ADAMTS17: variants seen among roughly 807,000 people sequenced by gnomAD.
The protein encoded by ADAMTS17 is A disintegrin and metalloproteinase with thrombospondin motifs 17.
ADAMTS17 carries 113 observed loss-of-function variants against 141.5 expected under a neutral mutation model. The observed-to-expected ratio is 0.80, with a 90% CI of 0.69 to 0.93. ADAMTS17 has a LOEUF of 0.93. Ranked by LOEUF, ADAMTS17 falls within the 40% of genes least tolerant of loss-of-function variation. ADAMTS17 has a pLI of 0.00. For synonymous variants in ADAMTS17, 768 were observed against 630.6 expected, an observed-to-expected ratio of 1.22 and a Z score of -3.27; for missense variants, 1,659 against 1,517.9, an observed-to-expected ratio of 1.09 and a Z score of -1.54.
chr15:100,332,523 G>GC (rs1025451413), intron 2 of ADAMTS17, among the ~76,000 whole-genome samples: 10 of 152,266 alleles, frequency 6.6e-5, no homozygotes, highest in South Asian at 6.2e-4. Context: ...GTGGGTCAAA[G>GC]CCCCCCCAGG....
intron 8 of ADAMTS17, among the ~76,000 whole-genome samples, chr15:100,168,232 A>ACCT (rs2040025545): frequency 6.6e-6 from 1 of 152,054 alleles, no homozygotes; most frequent in African/African-American, 2.4e-5. Context: ...GGGAGGAACC[A>ACCT]CCTCCTGGAT....
chr15:100,132,272 AG>A (rs1287681204), intron 11 of ADAMTS17, 120 bp from the exon 12 acceptor site: 1 of 1,359,866 alleles, frequency 7.4e-7, no homozygotes, highest in African/African-American at 1.4e-5. Flanking sequence ...ATAAAGGTAC[AG>A]TCTATTTCAG....
In ADAMTS17 at chr15:100,211,639, C is replaced by T. The variant is rs145617108; in HGVS notation, c.1076-12216G>A. Among the ~76,000 whole-genome samples, 602 of 152,266 alleles carry T rather than the reference C, an allele frequency of 4.0e-3. 5 individuals are homozygous for T. Among genetic ancestry groups the T allele is most frequent in the African/African-American group, 0.013 (554 of 41,542 alleles). Reference sequence around the variant, plus strand: ...ATTGGGCTATCTAGCTAAATCCATACTGAAAACTTCTATGTCATAAAAGGT... The same window carrying T: ...ATTGGGCTATCTAGCTAAATCCATATTGAAAACTTCTATGTCATAAAAGGT... On this transcript the variant is annotated intron_variant, in intron 7 of 21. Coordinates refer to ENST00000268070, the MANE Select transcript of ADAMTS17 (RefSeq NM_139057.4).
chr15:100,024,557 C>G (rs62041026), intron 18 of ADAMTS17, among the ~76,000 whole-genome samples: 26 of 152,292 alleles, frequency 1.7e-4, no homozygotes, highest in Non-Finnish European at 3.5e-4. Flanking sequence ...GGGAGGAGTG[C>G]TTGGATCTCT....
chr15:100,331,156 T>C, intron 2 of ADAMTS17, 102 bp from the exon 3 acceptor site: 1 of 1,463,002 alleles, frequency 6.8e-7, no homozygotes, highest in Non-Finnish European at 9.4e-7. Context: ...GTGATTTGGT[T>C]TTCCAGGTCT....
At chr15:100,331,113 G>C in intron 2 of ADAMTS17, 59 bp from the exon 3 acceptor site, 1 of 1,604,294 alleles carries the variant, frequency 6.2e-7, no homozygotes, top group Non-Finnish European at 8.5e-7. Flanking sequence ...CACGCCCATG[G>C]CCCCCCGGAG....
intron 20 of ADAMTS17, among the ~76,000 whole-genome samples, chr15:99,977,232 C>T (rs1453580381): frequency 6.6e-6 from 1 of 150,656 alleles, no homozygotes; most frequent in Non-Finnish European, 1.5e-5. Flanking sequence ...CCAGCCCCAG[C>T]ATGAGGAGGT....
At chr15:100,184,888 G>A (rs11857852) in intron 8 of ADAMTS17, among the ~76,000 whole-genome samples, 1,939 of 152,200 alleles carry the variant, frequency 0.013, 44 homozygotes, top group African/African-American at 0.043. Flanking sequence ...GCCTGGGCTC[G>A]CCACCTCTCC....
chr15:99,982,701 G>A (rs71405354), intron 20 of ADAMTS17, among the ~76,000 whole-genome samples: 2,702 of 152,284 alleles, frequency 0.018, 29 homozygotes, highest in South Asian at 0.038. Context: ...TTTGTCAAGG[G>A]GCTCATCACA....
chr15:100,108,362 G>C (rs776937590), intron 14 of ADAMTS17, among the ~76,000 whole-genome samples: 23 of 152,246 alleles, frequency 1.5e-4, no homozygotes, highest in Non-Finnish European at 2.1e-4. Flanking sequence ...TTTTAGTAGA[G>C]ACTGAGTTTC....
chr15:100,001,816 A>T (rs1384977812), intron 18 of ADAMTS17, among the ~76,000 whole-genome samples: 1 of 151,770 alleles, frequency 6.6e-6, no homozygotes, highest in African/African-American at 2.4e-5. Context: ...ACTAAAATAC[A>T]AAAATAGCCC....
At chr15:100,037,711 G>C (rs1000019358) in intron 18 of ADAMTS17, among the ~76,000 whole-genome samples, 18 of 151,980 alleles carry the variant, frequency 1.2e-4, no homozygotes, top group African/African-American at 4.3e-4. Context: ...GCTTGGCCTA[G>C]ATGTTCTTCA....
intron 7 of ADAMTS17, among the ~76,000 whole-genome samples, chr15:100,230,284 C>T (rs2042438157): frequency 6.6e-6 from 1 of 152,230 alleles, no homozygotes; most frequent in Non-Finnish European, 1.5e-5. Flanking sequence ...GAGAACTCCA[C>T]ATTCTACAGA....
chr15:100,306,654 T>C (rs1014539053), intron 3 of ADAMTS17: 5 of 445,228 alleles, frequency 1.1e-5, no homozygotes, highest in African/African-American at 1.0e-4. Flanking sequence ...AATGGCAATT[T>C]CAAACGACTC....
rs539824002 is a variant in ADAMTS17, at chr15:100,116,898, C to T, written c.1837G>A (p.Asp613Asn). 6.0e-5 allele frequency: 97 copies of T among 1,614,170 alleles called. No individual in the cohort carries two copies. Among genetic ancestry groups the T allele is most frequent in the Middle Eastern group, 3.3e-4 (2 of 6,038 alleles). ...SFRDQQCQAH[D>N]RLSPKKKGLL... The stretch of plus-strand genomic sequence containing the variant: ...CCTTTCTTCTTGGGGCTCAGCCGGT[C>T]GTGTGCCTGGCACTGCTGGTCCCGG... The change falls in exon 13 of 22, where the codon GAC becomes AAC. Residue 613 changes from aspartate (D) to asparagine (N), a missense_variant. Coordinates refer to ENST00000268070, the MANE Select transcript of ADAMTS17 (RefSeq NM_139057.4).
chr15:99,996,221 A>T (rs1354857224), intron 19 of ADAMTS17, among the ~76,000 whole-genome samples: 4 of 152,114 alleles, frequency 2.6e-5, no homozygotes, highest in Non-Finnish European at 5.9e-5. Flanking sequence ...TGCCCGGCTA[A>T]TTTTTTGTAT....
chr15:100,201,919 G>A (rs1014758673), intron 7 of ADAMTS17, among the ~76,000 whole-genome samples: 3 of 152,222 alleles, frequency 2.0e-5, no homozygotes, highest in Non-Finnish European at 4.4e-5. Flanking sequence ...GTATGTGCAC[G>A]CGGCCCACGT....
Position 100,253,222 on chromosome 15 carries a change from A to G in ADAMTS17, c.1075+914T>C, listed in dbSNP as rs138967462. On this transcript the variant is annotated intron_variant, in intron 7 of 21. Transcript: ENST00000268070. ...AGGGAAAACTGGAAACACCCTTGGC[A>G]TTGTGCCTGTATTAACCAAACACTG... Among the ~76,000 whole-genome samples, 207 of 151,120 alleles carry G rather than the reference A, an allele frequency of 1.4e-3. 1 individual carries two copies. The highest frequency in any genetic ancestry group is 4.8e-3 in the African/African-American group (197 of 40,996).
intron 18 of ADAMTS17, among the ~76,000 whole-genome samples, chr15:100,039,664 T>C (rs1438322302): frequency 6.6e-6 from 1 of 152,242 alleles, no homozygotes; most frequent in African/African-American, 2.4e-5. Flanking sequence ...GCCTAGTGTA[T>C]GATCTATTCT....
Sources: allele counts gnomAD v4.1 joint callset (sites outside exome capture counted in the v4.1 genomes callset), GRCh38; gene constraint gnomAD v4.1.1; transcripts MANE v1.5; gene names NCBI Gene and HGNC (gene_info 2026-07-23, HGNC 2026-07-21).